Variants in TTLL5 observed in about 807,000 individuals in gnomAD.
TTLL5 encodes the protein tubulin polyglutamylase TTLL5.
TTLL5 carries 132 observed loss-of-function variants against 168.4 expected under a neutral mutation model. The ratio of observed to expected loss-of-function variants is 0.78; its 90% CI spans 0.68 to 0.91. TTLL5 has a LOEUF of 0.91. TTLL5 is among the 40% of genes least tolerant of loss of function. The probability of loss-of-function intolerance (pLI) is 0.00; values close to 1 mark genes in which losing one functional copy is unlikely to be tolerated. For synonymous variants in TTLL5, 546 were observed against 558.6 expected (o/e 0.98, Z 0.32); for missense variants, 1,545 against 1,581.5 (o/e 0.98, Z 0.39).
At chr14:75,845,767 G>T (rs1277491073) in intron 28 of TTLL5, among the ~76,000 whole-genome samples, 2 of 152,166 alleles carry the variant, frequency 1.3e-5, no homozygotes, top group Non-Finnish European at 2.9e-5. Flanking sequence ...TTGAGTCCAG[G>T]TCTTTCTGAT....
chr14:75,686,801 T>A (rs1032112946), intron 5 of TTLL5, among the ~76,000 whole-genome samples: 1 of 152,186 alleles, frequency 6.6e-6, no homozygotes, highest in Non-Finnish European at 1.5e-5. Context: ...GTTTGGGAGC[T>A]TGCTTTTAGT....
intron 28 of TTLL5, among the ~76,000 whole-genome samples, chr14:75,840,271 A>C (rs1896146849): frequency 6.6e-6 from 1 of 152,214 alleles, no homozygotes; most frequent in Non-Finnish European, 1.5e-5. Context: ...ATACATATGC[A>C]GAACGTGCAG....
At chr14:75,882,122 G>A (rs765004238) in intron 29 of TTLL5, among the ~76,000 whole-genome samples, 2 of 152,030 alleles carry the variant, frequency 1.3e-5, no homozygotes, top group Non-Finnish European at 2.9e-5. Context: ...TTCTAAACTA[G>A]CCCTCAAGAT....
intron 31 of TTLL5, among the ~76,000 whole-genome samples, chr14:75,948,882 C>G (rs1213964978): frequency 6.6e-6 from 1 of 152,092 alleles, no homozygotes; most frequent in Non-Finnish European, 1.5e-5. Flanking sequence ...AATATTTACT[C>G]AAGAAGAAAT....
chr14:75,839,334 A>G (rs371966949), intron 28 of TTLL5, among the ~76,000 whole-genome samples: 69 of 152,332 alleles, frequency 4.5e-4, no homozygotes, highest in African/African-American at 1.6e-3. Context: ...TCCCACCAGC[A>G]GTGCACAAGG....
At chr14:75,848,248 A>C (rs1295674326) in intron 28 of TTLL5, among the ~76,000 whole-genome samples, 1 of 152,004 alleles carries the variant, frequency 6.6e-6, no homozygotes, top group Non-Finnish European at 1.5e-5. Flanking sequence ...TGGGGCAGGA[A>C]TTCTAAATTT....
intron 31 of TTLL5, among the ~76,000 whole-genome samples, chr14:75,926,629 T>C (rs2034080485): frequency 6.6e-6 from 1 of 152,122 alleles, no homozygotes; most frequent in Non-Finnish European, 1.5e-5. Context: ...ATCACACCAC[T>C]AGGATGACTG....
chr14:75,709,420 T>G lies in TTLL5; in HGVS notation c.740+1713T>G. 3 of 513,728 alleles carry G rather than the reference T, an allele frequency of 5.8e-6. No individual in the cohort carries two copies. The South Asian group carries it at 6.6e-5, about 11-fold the overall frequency. The allele number at this position is 513,728 out of a possible 1,614,324, so 31.8% of individuals were successfully genotyped here. A position where few individuals can be genotyped will look rare whatever the true frequency, so the allele number is the denominator to read the frequency against. ...CGCCTCTAGGTGGCAGTCACAGCATTTATAAGTCCTGTCATATTCTTAACT... is the reference window on the plus strand; with the variant it reads ...CGCCTCTAGGTGGCAGTCACAGCATGTATAAGTCCTGTCATATTCTTAACT... On this transcript the variant is annotated intron_variant, in intron 9 of 31. Transcript: ENST00000298832.
At chr14:75,822,252 A>G (rs981418343) in intron 28 of TTLL5, among the ~76,000 whole-genome samples, 1 of 152,168 alleles carries the variant, frequency 6.6e-6, no homozygotes, top group African/African-American at 2.4e-5. Flanking sequence ...AGTTTAATGA[A>G]TACAGGATTT....
At chr14:75,886,423 C>T (rs1233246090) in intron 30 of TTLL5, among the ~76,000 whole-genome samples, 1 of 152,134 alleles carries the variant, frequency 6.6e-6, no homozygotes, top group Non-Finnish European at 1.5e-5. Context: ...AATAATTAAC[C>T]AAAATGACTT....
intron 31 of TTLL5, among the ~76,000 whole-genome samples, chr14:75,950,579 A>C (rs529789310): frequency 1.8e-4 from 28 of 152,338 alleles, no homozygotes; most frequent in Admixed American, 8.5e-4. Context: ...AACAAATGGT[A>C]CGATGCCGAT....
At chr14:75,918,377 G>A (rs964982534) in intron 31 of TTLL5, among the ~76,000 whole-genome samples, 10 of 152,106 alleles carry the variant, frequency 6.6e-5, no homozygotes, top group African/African-American at 2.4e-4. Context: ...TTTCTTTCCA[G>A]AGACTCCACC....
At chr14:75,707,245 G>A (rs528950162) in intron 8 of TTLL5, among the ~76,000 whole-genome samples, 158 bp downstream of exon 8, 8 of 152,158 alleles carry the variant, frequency 5.3e-5, no homozygotes, top group African/African-American at 1.9e-4. Flanking sequence ...TATCTCACGG[G>A]ATTTATCTGA....
At chr14:75,743,007 C>A (rs902797561) in intron 15 of TTLL5, among the ~76,000 whole-genome samples, 1 of 152,204 alleles carries the variant, frequency 6.6e-6, no homozygotes, top group African/African-American at 2.4e-5. Context: ...CAAAATCCTT[C>A]TGCAAAGTTT....
At chr14:75,780,784 T>A (rs1892001438) in intron 24 of TTLL5, among the ~76,000 whole-genome samples, 1 of 152,222 alleles carries the variant, frequency 6.6e-6, no homozygotes, top group Admixed American at 6.5e-5. Context: ...ATGATTGAAT[T>A]ATTGTATTAC....
At chr14:75,925,643 C>T (rs1174345438) in intron 31 of TTLL5, among the ~76,000 whole-genome samples, 2 of 152,012 alleles carry the variant, frequency 1.3e-5, no homozygotes, top group African/African-American at 2.4e-5. Flanking sequence ...ACTTCCCAGA[C>T]GGGCTGGGGG....
At chr14:75,782,604 T>C in intron 25 of TTLL5, 31 bp downstream of exon 25, 1 of 1,559,446 alleles carries the variant, frequency 6.4e-7, no homozygotes, top group South Asian at 1.1e-5. Context: ...CTAGATTTGC[T>C]GCTCTCTGAT....
In TTLL5 at chr14:75,669,519, G is replaced by A. The variant is rs1883547820; in HGVS notation, c.178G>A (p.Gly60Arg). 1 of 1,613,682 alleles carries A rather than the reference G, an allele frequency of 6.2e-7. No homozygotes were observed. The highest frequency in any genetic ancestry group is 8.5e-7 in the Non-Finnish European group (1 of 1,179,726). ...LTKDNNIRVI[G>R]ERYHLSYKIV... ...AAAGGACAACAATATTAGAGTAATTGGAGGTGCGTATAACCTCTCCCACAG... is the reference window on the plus strand; with the variant it reads ...AAAGGACAACAATATTAGAGTAATTAGAGGTGCGTATAACCTCTCCCACAG... Residue 60 changes from glycine (G) to arginine (R), a missense_variant, in exon 3 of 32, where the codon GGA becomes AGA. Physicochemically the swap from Gly to Arg is moderately radical, Grantham distance 125 (BLOSUM62 -2). Transcript: ENST00000298832.
At chr14:75,858,066 G>A (rs1489902168) in intron 28 of TTLL5, among the ~76,000 whole-genome samples, 1 of 152,190 alleles carries the variant, frequency 6.6e-6, no homozygotes, top group Non-Finnish European at 1.5e-5. Flanking sequence ...ATTGCAGCAG[G>A]TCTGTGATTC....
Sources: gnomAD v4.1 joint callset for allele counts (sites outside exome capture counted in the v4.1 genomes callset) on GRCh38, gnomAD v4.1.1 for gene constraint, MANE v1.5 for transcripts, NCBI Gene and HGNC (gene_info 2026-07-23, HGNC 2026-07-21) for gene names.